SP1: variants seen among roughly 807,000 people sequenced by gnomAD.
SP1 encodes the protein transcription factor Sp1.
SP1 carries 6 observed loss-of-function variants against 66.3 expected under a neutral mutation model. That is an observed-to-expected ratio of 0.09 (90% CI 0.05 to 0.18). SP1 has a LOEUF of 0.18. Ranked by LOEUF, SP1 falls within the 10% of genes least tolerant of loss-of-function variation. SP1 has a pLI of 1.00. For synonymous variants in SP1, 417 were observed against 360.8 expected (o/e 1.16, Z -1.77); for missense variants, 848 against 964.5 (o/e 0.88, Z 1.60).
chr12:53,383,155 C>T lies in SP1; in HGVS notation c.1208C>T (p.Pro403Leu). ...QTQQQQILIQ[P>L]QLVQGGQALQ... is the part of the protein sequence containing the mutation. Reference sequence around the variant, plus strand: ...CAGCAGCAACAAATTCTTATCCAGCCTCAGCTAGTTCAAGGGGGACAGGCC... The same window carrying T: ...CAGCAGCAACAAATTCTTATCCAGCTTCAGCTAGTTCAAGGGGGACAGGCC... Residue 403 changes from proline (P) to leucine (L), a missense_variant, in exon 3 of 6, where the codon CCT becomes CTT. Physicochemically the swap from Pro to Leu is moderately conservative, Grantham distance 98. Coordinates refer to ENST00000327443, the MANE Select transcript of SP1 (RefSeq NM_138473.3). 1 of 1,614,220 alleles carries T rather than the reference C, an allele frequency of 6.2e-7. No homozygotes were observed. Among genetic ancestry groups the T allele is most frequent in the Non-Finnish European group, 8.5e-7 (1 of 1,180,048 alleles).
At chr12:53,392,789 C>G (rs1938385354) in intron 3 of SP1, among the ~76,000 whole-genome samples, 2 of 152,114 alleles carry the variant, frequency 1.3e-5, no homozygotes, top group South Asian at 4.1e-4. Flanking sequence ...GCCACCATGC[C>G]TGGCCTAGAA....
Position 53,406,769 on chromosome 12 carries a change from C to G in SP1, c.1844+16C>G, listed in dbSNP as rs1454113115. On this transcript the variant is annotated intron_variant, in intron 4 of 5. Transcript: ENST00000327443. ...GTGAAGGAAGGTGAGTTGACCCAGC[C>G]AGTTTCTTACAAATATAAAGAAAAA... 2 of 1,591,358 alleles carry G rather than the reference C, an allele frequency of 1.3e-6. No individual in the cohort carries two copies. Among genetic ancestry groups the G allele is most frequent in the African/African-American group, 1.4e-5 (1 of 73,834 alleles).
Position 53,412,930 on chromosome 12 carries a change from CTGTGTGTGTGTGTGTGTGTGTG to C in SP1, c.*1706_*1727del, listed in dbSNP as rs57242856. The C allele has an allele frequency of 4.1e-5, 6 of 147,340 alleles. No individual in the cohort carries two copies. Among genetic ancestry groups the C allele is most frequent in the African/African-American group, 1.5e-4 (6 of 39,934 alleles). 9.1% of individuals were successfully genotyped at this position (147,340 alleles called of 1,614,324 possible). ...TGTGAGGAAGTGTGGAAAAATAGCTCTGTGTGTGTGTGTGTGTGTGTGTGTGTGTGTGTGTGTAATCTGTTAG... is the reference window on the plus strand; with the variant it reads ...TGTGAGGAAGTGTGGAAAAATAGCTCTGTGTGTGTGTGTGTAATCTGTTAG... On this transcript the variant is annotated 3_prime_UTR_variant, in exon 6 of 6. Coordinates refer to ENST00000327443, the MANE Select transcript of SP1 (RefSeq NM_138473.3).
intron 3 of SP1, among the ~76,000 whole-genome samples, chr12:53,404,599 G>T (rs1178183259): frequency 6.6e-6 from 1 of 151,834 alleles, no homozygotes; most frequent in East Asian, 1.9e-4. Flanking sequence ...CTAGAGCTGT[G>T]TTTGAAAATG....
intron 3 of SP1, among the ~76,000 whole-genome samples, chr12:53,387,139 G>A (rs560717508): frequency 6.6e-6 from 1 of 151,682 alleles, no homozygotes; most frequent in African/African-American, 2.4e-5. Context: ...TTTTAGTAGC[G>A]ATTGGATTTC....
rs1938880235 is a variant in SP1, at chr12:53,411,359, G to A, written c.*119G>A. 1.3e-6 allele frequency: 1 copy of A among 797,336 alleles called. No homozygotes were observed. The highest frequency in any genetic ancestry group is 2.0e-6 in the Non-Finnish European group (1 of 510,262). The allele number at this position is 797,336 out of a possible 1,614,324, so 49.4% of individuals were successfully genotyped here. A position where few individuals can be genotyped will look rare whatever the true frequency, so the allele number is the denominator to read the frequency against. On this transcript the variant is annotated 3_prime_UTR_variant, in exon 6 of 6. Coordinates refer to ENST00000327443, the MANE Select transcript of SP1 (RefSeq NM_138473.3). ...ATGAAGCATTAAAATGCATGGTGTT[G>A]AGAAGAATCAGGAGAGGGATACAAG... is the stretch of plus-strand genomic sequence containing the variant.
At chr12:53,389,491 G>A (rs1938304068) in intron 3 of SP1, among the ~76,000 whole-genome samples, 1 of 151,972 alleles carries the variant, frequency 6.6e-6, no homozygotes. Flanking sequence ...TTATAGGCAT[G>A]AGCCACTGTG....
rs915585402 is a variant in SP1 at position 53,404,815 on chromosome 12, C to A, written c.1676-1770C>A. 3.9e-5 allele frequency among the ~76,000 whole-genome samples: 6 copies of A among 151,946 alleles called. 1 individual carries two copies. Among genetic ancestry groups the A allele is most frequent in the African/African-American group, 1.4e-4 (6 of 41,460 alleles). On this transcript the variant is annotated intron_variant, in intron 3 of 5. Transcript: ENST00000327443. ...CCTCCTGAGTAGCTGGGACCATAGGCGCATGCCACCATGCCCAGCTAATTA... is the reference window on the plus strand; with the variant it reads ...CCTCCTGAGTAGCTGGGACCATAGGAGCATGCCACCATGCCCAGCTAATTA...
chr12:53,385,465 C>T (rs978779380), intron 3 of SP1, among the ~76,000 whole-genome samples: 3 of 151,164 alleles, frequency 2.0e-5, no homozygotes, highest in African/African-American at 4.9e-5. Flanking sequence ...CATGGTGGCG[C>T]GCACCTGTAG....
rs770904078 is a variant in SP1 at position 53,411,211 on chromosome 12, T to A, written c.2329T>A (p.Ser777Thr). ...INVMQVADLQ[S>T]INISGNGF ...CGTCATGCAGGTGGCAGATCTGCAG[T>A]CCATTAATATCAGTGGCAATGGCTT... The change falls in exon 6 of 6, where the codon TCC (serine) becomes ACC (threonine). Residue 777 changes from serine to threonine, a missense_variant. This residue lies in a region of SP1 where 73 missense variants were observed against 91.9 expected (regional missense o/e 0.79). Coordinates refer to ENST00000327443, the MANE Select transcript of SP1 (RefSeq NM_138473.3). 11 of 1,612,294 alleles carry A rather than the reference T, an allele frequency of 6.8e-6. No individual in the cohort carries two copies.
rs1011906220 is a variant in SP1, at chr12:53,405,651, G to A, written c.1676-934G>A. 7.9e-5 allele frequency among the ~76,000 whole-genome samples: 12 copies of A among 151,034 alleles called. 1 individual carries two copies. Among genetic ancestry groups the A allele is most frequent in the South Asian group, 4.2e-4 (2 of 4,774 alleles). ...TGCCACTGTACTCCAGAGCCAGCGA[G>A]ACTCTGTCTCAAAAAAAGAAAGGAA... On this transcript the variant is annotated intron_variant, in intron 3 of 5. Transcript: ENST00000327443.
chr12:53,382,327 G>GTACCAATGGCAGCAA lies in SP1; in HGVS notation c.382_396dup (p.Thr128_Asn132dup), dbSNP rs763482567. 1 of 1,614,212 alleles carries GTACCAATGGCAGCAA rather than the reference G, an allele frequency of 6.2e-7. No homozygotes were observed. The highest frequency in any genetic ancestry group is 1.1e-5 in the South Asian group (1 of 91,086). On this transcript the variant is annotated inframe_insertion, in exon 3 of 6. Transcript: ENST00000327443. Reference sequence around the variant, plus strand: ...ACCTCAAAGGAACAGAGTGGCAGCAGTACCAATGGCAGCAATGGCAGTGAG... The same window carrying GTACCAATGGCAGCAA: ...ACCTCAAAGGAACAGAGTGGCAGCAGTACCAATGGCAGCAATACCAATGGCAGCAATGGCAGTGAG...
Position 53,409,461 on chromosome 12 carries a change from C to T in SP1, c.1944C>T (p.Arg648=). Residue 648 remains arginine (R), a synonymous_variant, in exon 5 of 6, where the codon CGC becomes CGT. Coordinates refer to ENST00000327443, the MANE Select transcript of SP1 (RefSeq NM_138473.3). ...GKTSHLRAHL[R]WHTGERPFMC... is the part of the protein sequence containing the mutation. ...CCTCTCACCTGCGGGCACACTTGCG[C>T]TGGCATACAGGCGAGAGGCCATTTA... 1 of 1,614,042 alleles carries T rather than the reference C, an allele frequency of 6.2e-7. No homozygotes were observed. The highest frequency in any genetic ancestry group is 8.5e-7 in the Non-Finnish European group (1 of 1,179,970).
At chr12:53,380,536 CCTGCCCG>C (rs1555196057) in intron 1 of SP1, 1 of 622,104 alleles carries the variant, frequency 1.6e-6, no homozygotes, top group Non-Finnish European at 2.2e-6. Flanking sequence ...TCGCCCGCCC[CCTGCCCG>C]CCCCGGCCAC....
rs79651448 is a variant in SP1 at position 53,410,907 on chromosome 12, T to C, written c.2045-20T>C. The C allele has an allele frequency of 1.2e-4, 187 of 1,590,262 alleles. 1 individual carries two copies. The African/African-American group carries it at 2.0e-3, about 17-fold the overall frequency. ...CACTTCCTAACATGTCAGCTTCTTATCTTTTCTTCCTTTACCTAGGTGAGA... is the reference window on the plus strand; with the variant it reads ...CACTTCCTAACATGTCAGCTTCTTACCTTTTCTTCCTTTACCTAGGTGAGA... On this transcript the variant is annotated intron_variant, in intron 5 of 5. Transcript: ENST00000327443.
At chr12:53,399,917 CA>C (rs1938572117) in intron 3 of SP1, among the ~76,000 whole-genome samples, 1 of 152,166 alleles carries the variant, frequency 6.6e-6, no homozygotes, top group African/African-American at 2.4e-5. Context: ...AGGCGTGAGC[CA>C]CCGCGCCTGG....
intron 3 of SP1, among the ~76,000 whole-genome samples, chr12:53,384,911 G>A (rs1229160534): frequency 1.3e-5 from 2 of 152,082 alleles, no homozygotes; most frequent in African/African-American, 4.8e-5. Context: ...CTTGAATCTG[G>A]GAGGCAGAGG....
chr12:53,410,630 C>T (rs1396538779), intron 5 of SP1, among the ~76,000 whole-genome samples: 8 of 151,938 alleles, frequency 5.3e-5, no homozygotes, highest in African/African-American at 1.2e-4. Context: ...TCAGCCTCTC[C>T]GAGTAGCTGG....
rs1938938772 is a variant in SP1 at position 53,413,577 on chromosome 12, A to G, written c.*2337A>G. The G allele has an allele frequency of 6.6e-6, 1 of 152,634 alleles. No homozygotes were observed. Among genetic ancestry groups the G allele is most frequent in the South Asian group, 2.1e-4 (1 of 4,832 alleles). The allele number at this position is 152,634 out of a possible 1,614,324, so 9.5% of individuals were successfully genotyped here. A position where few individuals can be genotyped will look rare whatever the true frequency, so the allele number is the denominator to read the frequency against. ...AGGAACTTTCCCCAGATCAAATTCTATTAACGCTGAGATACAAGTCATCCA... is the reference window on the plus strand; with the variant it reads ...AGGAACTTTCCCCAGATCAAATTCTGTTAACGCTGAGATACAAGTCATCCA... On this transcript the variant is annotated 3_prime_UTR_variant, in exon 6 of 6. Transcript: ENST00000327443.
Sources: gnomAD v4.1 joint callset for allele counts (sites outside exome capture counted in the v4.1 genomes callset) on GRCh38, gnomAD v4.1.1 for gene constraint, gnomAD v4.1.1 regional missense constraint, MANE v1.5 for transcripts, NCBI Gene and HGNC (gene_info 2026-07-23, HGNC 2026-07-21) for gene names.